ZNF83: variants seen among roughly 807,000 people sequenced by gnomAD.
The protein encoded by ZNF83 is zinc finger protein 83, also known as zinc finger protein 816B.
For synonymous variants in ZNF83, 209 were observed against 213.0 expected, an observed-to-expected ratio of 0.98 and a Z score of 0.17; for missense variants, 552 against 629.9, an observed-to-expected ratio of 0.88 and a Z score of 1.32.
chr19:52,650,441 A>T (rs1159607870), intron 3 of ZNF83: 1 of 151,970 alleles, frequency 6.6e-6, no homozygotes, highest in Non-Finnish European at 1.5e-5. Context: ...ATTTTTAGTA[A>T]AGATGGGGTT....
At position 52,687,386 on chromosome 19, in the gene ZNF83, T is replaced by C. The variant is rs867505585; in HGVS notation, c.-283+3057A>G. Among the ~76,000 whole-genome samples, 2 of 36,640 alleles carry C rather than the reference T, an allele frequency of 5.5e-5. 1 individual carries two copies. The highest frequency in any genetic ancestry group is 1.3e-3 in the South Asian group (2 of 1,502). 24.0% of individuals were successfully genotyped at this position (36,640 alleles called of 152,430 possible). A position where few individuals can be genotyped will look rare whatever the true frequency, so the allele number is the denominator to read the frequency against. ...ATTATAATATAAATTATAATTTATA[T>C]ATATATAATTTATATAGCTATATAA... is the stretch of plus-strand genomic sequence containing the variant. On this transcript the variant is annotated intron_variant, in intron 1 of 5. Transcript: ENST00000594682.
chr19:52,680,050 A>G (rs112916451), intron 1 of ZNF83, among the ~76,000 whole-genome samples: 21,969 of 152,152 alleles, frequency 0.14, 1,738 homozygotes, highest in African/African-American at 0.19. Flanking sequence ...GTAGTGGCAC[A>G]TGCTGGTAAT....
rs192810552 is a variant in ZNF83 at position 52,668,386 on chromosome 19, T to C, written c.-282-7543A>G. On this transcript the variant is annotated intron_variant, in intron 1 of 5. Transcript: ENST00000594682. ...TTAAAGCTAAGGAAAGCTTAGTCTA[T>C]CTATCTTTTCCTTTCCTTTCCTTTC... 2.8e-3 allele frequency among the ~76,000 whole-genome samples: 420 copies of C among 152,264 alleles called. 3 individuals are homozygous for C. The highest frequency in any genetic ancestry group is 4.0e-3 in the Non-Finnish European group (270 of 68,016).
intron 1 of ZNF83, among the ~76,000 whole-genome samples, chr19:52,677,772 G>T (rs551876347): frequency 6.6e-6 from 1 of 152,194 alleles, no homozygotes; most frequent in African/African-American, 2.4e-5. Flanking sequence ...GATGGCTCAT[G>T]CCTGTAGTCC....
intron 1 of ZNF83, among the ~76,000 whole-genome samples, chr19:52,682,535 G>A (rs1678264068): frequency 6.6e-6 from 1 of 152,028 alleles, no homozygotes; most frequent in African/African-American, 2.4e-5. Context: ...CCCAGGCATG[G>A]CAGTGCATAC....
chr19:52,613,955 G>A (rs747270351), exon 3 of ZNF83: 175 of 1,613,302 alleles, frequency 1.1e-4, no homozygotes, highest in Non-Finnish European at 1.4e-4. Context: ...CATTTATAAG[G>A]TTTCTCTCCG....
At position 52,612,646 on chromosome 19, in the gene ZNF83, T is replaced by A. The variant is rs1600115128; in HGVS notation, c.*368A>T. 4 of 215,906 alleles carry A rather than the reference T, an allele frequency of 1.9e-5. No individual in the cohort carries two copies. The East Asian group carries it at 4.6e-4, about 25-fold the overall frequency. The allele number at this position is 215,906 out of a possible 1,614,324, so 13.4% of individuals were successfully genotyped here. A position where few individuals can be genotyped will look rare whatever the true frequency, so the allele number is the denominator to read the frequency against. On this transcript the variant is annotated 3_prime_UTR_variant, in exon 3 of 3. Transcript: ENST00000301096. Reference sequence around the variant, plus strand: ...ATGCTCTTTAGTATGGATTCTCTGATGTTGATGAATGTTTGAAGTCATAAT... The same window carrying A: ...ATGCTCTTTAGTATGGATTCTCTGAAGTTGATGAATGTTTGAAGTCATAAT...
chr19:52,667,086 C>T (rs936243864), intron 1 of ZNF83, among the ~76,000 whole-genome samples: 5 of 152,094 alleles, frequency 3.3e-5, no homozygotes, highest in African/African-American at 9.7e-5. Context: ...AAACTTACAA[C>T]GTTTTCAACG....
At chr19:52,689,810 C>T (rs974648712) in intron 1 of ZNF83, among the ~76,000 whole-genome samples, 5 of 152,248 alleles carry the variant, frequency 3.3e-5, no homozygotes, top group South Asian at 2.1e-4. Context: ...GAGTAAGACG[C>T]CTGCATCCCG....
At chr19:52,642,261 C>CTT (rs869173970), upstream of ZNF83, among the ~76,000 whole-genome samples, 13 of 47,866 alleles carry the variant, frequency 2.7e-4, 1 homozygote, top group East Asian at 7.5e-4. Flanking sequence ...AGTATTGTAG[C>CTT]TTTTTTTTTT....
intron 2 of ZNF83, among the ~76,000 whole-genome samples, chr19:52,631,223 A>T (rs2060947293): frequency 6.6e-6 from 1 of 151,638 alleles, no homozygotes; most frequent in Non-Finnish European, 1.5e-5. Flanking sequence ...TTCTCATAAA[A>T]ACACATGTGC....
chr19:52,686,731 C>G (rs2062023389), intron 1 of ZNF83, among the ~76,000 whole-genome samples: 1 of 152,138 alleles, frequency 6.6e-6, no homozygotes, highest in East Asian at 1.9e-4. Flanking sequence ...CGCCACCATG[C>G]CTGGCTAAGT....
intron 1 of ZNF83, among the ~76,000 whole-genome samples, chr19:52,663,376 C>A (rs1172839973): frequency 6.6e-6 from 1 of 152,148 alleles, no homozygotes; most frequent in African/African-American, 2.4e-5. Context: ...GAAATGAGAT[C>A]TGAGCAAATG....
intron 2 of ZNF83, among the ~76,000 whole-genome samples, chr19:52,624,756 A>G (rs1014633763): frequency 3.9e-5 from 6 of 152,172 alleles, no homozygotes; most frequent in Non-Finnish European, 5.9e-5. Flanking sequence ...GTCTCCGTGC[A>G]GCTACCACCA....
intron 1 of ZNF83, among the ~76,000 whole-genome samples, chr19:52,676,130 G>A (rs978269803): frequency 7.2e-5 from 11 of 152,160 alleles, no homozygotes; most frequent in Non-Finnish European, 1.5e-4. Flanking sequence ...GCAGGCGCGC[G>A]CCGCCACGCC....
In ZNF83 at chr19:52,676,468, C is replaced by G. The variant is rs10410444; in HGVS notation, c.-283+13975G>C. On this transcript the variant is annotated intron_variant, in intron 1 of 5. Coordinates refer to the ZNF83 transcript ENST00000594682. ...TGTCTGGGATGTGAGGAGCCTGCCC[C>G]GGCCCGGCTAGCCTCCCCGTCCGGG... Among the ~76,000 whole-genome samples, 373 of 152,040 alleles carry G rather than the reference C, an allele frequency of 2.5e-3. 1 individual carries two copies. Among genetic ancestry groups the G allele is most frequent in the African/African-American group, 8.7e-3 (359 of 41,452 alleles).
chr19:52,638,610 G>C (rs374511199), upstream of ZNF83, among the ~76,000 whole-genome samples: 1 of 152,260 alleles, frequency 6.6e-6, no homozygotes, highest in South Asian at 2.1e-4. Flanking sequence ...ATCTGGAACG[G>C]GGATGCAAAC....
At chr19:52,647,468 T>TG (rs555244899) in intron 3 of ZNF83, among the ~76,000 whole-genome samples, 7 of 151,952 alleles carry the variant, frequency 4.6e-5, no homozygotes, top group Admixed American at 1.3e-4. Flanking sequence ...TTGGAAGAGA[T>TG]GGGGGGTCTC....
chr19:52,624,072 GCTTACCTGGGCTGT>G (rs77363613), intron 2 of ZNF83, among the ~76,000 whole-genome samples: 67,564 of 151,826 alleles, frequency 0.45, 15,362 homozygotes, highest in African/African-American at 0.52. Context: ...AGTCCCAGCA[GCTTACCTGGGCTGT>G]ACTGCCGCAA....
Sources: gnomAD v4.1 joint callset for allele counts (sites outside exome capture counted in the v4.1 genomes callset) on GRCh38, gnomAD v4.1.1 for gene constraint, MANE v1.5 for transcripts, NCBI Gene and HGNC (gene_info 2026-07-23, HGNC 2026-07-21) for gene names.